Variants in SLC16A10 observed in about 807,000 individuals in gnomAD.
SLC16A10 encodes the protein monocarboxylate transporter 10.
In SLC16A10, 27 loss-of-function variants were observed where a neutral mutation model predicts 40.0. The observed-to-expected ratio is 0.67, with a 90% confidence interval of 0.50 to 0.93. SLC16A10 has a LOEUF of 0.93. SLC16A10 is among the 40% of genes least tolerant of loss of function. The pLI is 0.00. For missense variants in SLC16A10, 529 were observed against 658.2 expected (o/e 0.80, Z 2.15); for synonymous variants, 213 against 249.8 (o/e 0.85, Z 1.39).
intron 3 of SLC16A10, among the ~76,000 whole-genome samples, chr6:111,183,001 G>C (rs917981806): frequency 1.3e-5 from 2 of 152,054 alleles, no homozygotes; most frequent in African/African-American, 2.4e-5. Context: ...TCTCTGCCCC[G>C]CGGAGTTTGT....
intron 1 of SLC16A10, among the ~76,000 whole-genome samples, chr6:111,124,378 C>A (rs1285026318): frequency 6.8e-6 from 1 of 146,690 alleles, no homozygotes; most frequent in Non-Finnish European, 1.5e-5. Context: ...TTTTAAGAGA[C>A]GGAGTCTGGC....
chr6:111,147,741 A>G (rs1255050767), intron 1 of SLC16A10, among the ~76,000 whole-genome samples: 1 of 152,250 alleles, frequency 6.6e-6, no homozygotes, highest in African/African-American at 2.4e-5. Context: ...TGGCACAGCC[A>G]TAACTTTATG....
intron 1 of SLC16A10, among the ~76,000 whole-genome samples, chr6:111,156,234 ATG>A (rs746901333): frequency 1.3e-5 from 2 of 152,226 alleles, no homozygotes; most frequent in Non-Finnish European, 2.9e-5. Context: ...CAAGTAATTT[ATG>A]TAGGTAAATA....
At chr6:111,139,092 C>CTTCTTTTTT (rs202229156) in intron 1 of SLC16A10, among the ~76,000 whole-genome samples, 12 of 118,884 alleles carry the variant, frequency 1.0e-4, no homozygotes, top group Admixed American at 2.9e-4. Flanking sequence ...TCTTCTTCTT[C>CTTCTTTTTT]TTTTTTTTTT....
At chr6:111,196,473 C>T (rs770546100) in intron 3 of SLC16A10, among the ~76,000 whole-genome samples, 13 of 152,200 alleles carry the variant, frequency 8.5e-5, no homozygotes, top group Non-Finnish European at 1.8e-4. Flanking sequence ...AACAGCGAGA[C>T]CCCATCTCAA....
intron 1 of SLC16A10, among the ~76,000 whole-genome samples, chr6:111,165,642 A>G (rs1327252015): frequency 3.3e-5 from 5 of 152,216 alleles, no homozygotes; most frequent in Admixed American, 3.3e-4. Context: ...AACAAGCCTT[A>G]AGTAAGGTTG....
rs1770959019 is a variant in SLC16A10 at position 111,224,665 on chromosome 6, A to T, written c.*2430A>T. The T allele has an allele frequency of 1.3e-5, 2 of 152,246 alleles. No homozygotes were observed. The highest frequency in any genetic ancestry group is 6.5e-5 in the Admixed American group (1 of 15,286). 9.4% of individuals were successfully genotyped at this position (152,246 alleles called of 1,614,324 possible). A position where few individuals can be genotyped will look rare whatever the true frequency, so the allele number is the denominator to read the frequency against. On this transcript the variant is annotated 3_prime_UTR_variant, in exon 6 of 6. Transcript: ENST00000368851. ...AAAAAGTATAAACGTAAGATGCTAA[A>T]TTCCATAAATGCATATTTAGTACTA...
Position 111,222,083 on chromosome 6 carries a change from C to A in SLC16A10, c.1396C>A (p.Leu466Ile), listed in dbSNP as rs758331918. Residue 466 changes from leucine (L) to isoleucine (I), a missense_variant, in exon 6 of 6, where the codon CTT becomes ATT. Physicochemically the swap from Leu to Ile is conservative, Grantham distance 5. Coordinates refer to ENST00000368851, the MANE Select transcript of SLC16A10 (RefSeq NM_018593.5). ...CCCTCCCCTTATTGGAGGTGCTGTG[C>A]TTTGTTTTATCCCGTGGATCCATAG... Reference protein sequence around the residue: ...GVPPLIGGAVLCFIPWIHSKK... With the variant: ...GVPPLIGGAVICFIPWIHSKK... The A allele has an allele frequency of 6.2e-7, 1 of 1,609,964 alleles. No individual in the cohort carries two copies. Among genetic ancestry groups the A allele is most frequent in the South Asian group, 1.1e-5 (1 of 90,168 alleles).
Position 111,223,960 on chromosome 6 carries a change from C to T in SLC16A10, c.*1725C>T, listed in dbSNP as rs921665754. 1 of 152,132 alleles carries T rather than the reference C, an allele frequency of 6.6e-6. No individual in the cohort carries two copies. Among genetic ancestry groups the T allele is most frequent in the East Asian group, 1.9e-4 (1 of 5,192 alleles). The allele number at this position is 152,132 out of a possible 1,614,324, so 9.4% of individuals were successfully genotyped here. ...ACTAAAAATAAAAAAAAAAATTAGG[C>T]CAAGCATAGTGGCTCATGCCTGTAA... On this transcript the variant is annotated 3_prime_UTR_variant, in exon 6 of 6. Transcript: ENST00000368851.
chr6:111,095,055 A>G (rs927255232), intron 1 of SLC16A10, among the ~76,000 whole-genome samples: 2 of 152,188 alleles, frequency 1.3e-5, no homozygotes, highest in Non-Finnish European at 2.9e-5. Context: ...TTTCTGTTTA[A>G]ATGCCCAGTG....
intron 1 of SLC16A10, among the ~76,000 whole-genome samples, chr6:111,150,188 T>C (rs921587170): frequency 6.6e-6 from 1 of 152,206 alleles, no homozygotes; most frequent in Non-Finnish European, 1.5e-5. Context: ...GTGGGTTCCT[T>C]ATAAAAGGAA....
At position 111,227,940 on chromosome 6, in the gene SLC16A10, A is replaced by AG. The variant is rs1347582228; in HGVS notation, c.*5711dup. 1.3e-5 allele frequency: 2 copies of AG among 152,148 alleles called. No homozygotes were observed. Among genetic ancestry groups the AG allele is most frequent in the Non-Finnish European group, 2.9e-5 (2 of 68,026 alleles). 9.4% of individuals were successfully genotyped at this position (152,148 alleles called of 1,614,324 possible). A position where few individuals can be genotyped will look rare whatever the true frequency, so the allele number is the denominator to read the frequency against. Reference sequence around the variant, plus strand: ...ATGGTGATTCTGGGATTAAAAAGCAAGGGGGGTGCAAATTGTTAGTGGGGT... The same window carrying AG: ...ATGGTGATTCTGGGATTAAAAAGCAAGGGGGGGTGCAAATTGTTAGTGGGGT... On this transcript the variant is annotated 3_prime_UTR_variant, in exon 6 of 6. Transcript: ENST00000368851.
At chr6:111,163,859 G>T (rs913421914) in intron 1 of SLC16A10, among the ~76,000 whole-genome samples, 3 of 152,168 alleles carry the variant, frequency 2.0e-5, no homozygotes, top group Non-Finnish European at 2.9e-5. Context: ...AGTGAAGACA[G>T]CTTTCCAAAC....
chr6:111,180,380 CAAAA>C (rs778623489), intron 3 of SLC16A10, among the ~76,000 whole-genome samples: 1 of 152,020 alleles, frequency 6.6e-6, no homozygotes, highest in Non-Finnish European at 1.5e-5. Flanking sequence ...TCCATCTCTA[CAAAA>C]AGTAATTTAA....
intron 3 of SLC16A10, among the ~76,000 whole-genome samples, chr6:111,187,126 C>G (rs1394671125): frequency 6.6e-6 from 1 of 152,196 alleles, no homozygotes; most frequent in Non-Finnish European, 1.5e-5. Context: ...TTCTTTTAGA[C>G]AAATACAACA....
chr6:111,198,034 C>T (rs1773108208), intron 3 of SLC16A10, among the ~76,000 whole-genome samples: 2 of 152,142 alleles, frequency 1.3e-5, no homozygotes, highest in Non-Finnish European at 1.5e-5. Flanking sequence ...CGCCTGTAAT[C>T]GCAGCACTTT....
intron 3 of SLC16A10, among the ~76,000 whole-genome samples, chr6:111,192,301 G>A (rs1380690980): frequency 1.3e-5 from 2 of 152,140 alleles, no homozygotes; most frequent in South Asian, 4.1e-4. Context: ...AATGCCACCA[G>A]TCTCTTTGTA....
chr6:111,112,039 A>G (rs1381145614), intron 1 of SLC16A10, among the ~76,000 whole-genome samples: 1 of 151,302 alleles, frequency 6.6e-6, no homozygotes, highest in Non-Finnish European at 1.5e-5. Context: ...TAGATATAAA[A>G]TTTTTTTTTG....
intron 1 of SLC16A10, among the ~76,000 whole-genome samples, chr6:111,169,919 C>CTT (rs60561269): frequency 0.055 from 7,405 of 135,034 alleles, 600 homozygotes; most frequent in African/African-American, 0.16. Context: ...TCTTTTCTTT[C>CTT]TTTTTTTTTT....
Sources: gnomAD v4.1 joint callset for allele counts (sites outside exome capture counted in the v4.1 genomes callset) on GRCh38, gnomAD v4.1.1 for gene constraint, MANE v1.5 for transcripts, NCBI Gene and HGNC (gene_info 2026-07-23, HGNC 2026-07-21) for gene names.